Variants in AKAP6 observed in about 807,000 individuals in gnomAD.
AKAP6 encodes the protein A-kinase anchor protein 6.
Under a neutral mutation model 188.5 loss-of-function variants are expected in AKAP6, and 58 were observed. That is an observed-to-expected ratio of 0.31 (90% CI 0.25 to 0.38). The LOEUF (loss-of-function observed/expected upper bound fraction) is 0.38. Ranked by LOEUF, AKAP6 falls within the 10% of genes least tolerant of loss-of-function variation. AKAP6 has a pLI of 1.00. For synonymous variants in AKAP6, 989 were observed against 998.6 expected, an observed-to-expected ratio of 0.99 and a Z score of 0.18; for missense variants, 2,710 against 2,740.0, an observed-to-expected ratio of 0.99 and a Z score of 0.24.
At chr14:32,691,477 A>G (rs530879223) in intron 8 of AKAP6, among the ~76,000 whole-genome samples, 28 of 152,334 alleles carry the variant, frequency 1.8e-4, no homozygotes, top group African/African-American at 6.0e-4. Flanking sequence ...GAAGTTTCCT[A>G]TAATACTGGG....
intron 11 of AKAP6, among the ~76,000 whole-genome samples, chr14:32,769,763 ATC>A (rs1566698840): frequency 1.3e-5 from 2 of 151,308 alleles, no homozygotes; most frequent in East Asian, 1.9e-4. Context: ...TTTCCTTCTC[ATC>A]TCTCTTTTTT....
At chr14:32,655,456 G>A (rs542669450) in intron 7 of AKAP6, among the ~76,000 whole-genome samples, 3 of 152,136 alleles carry the variant, frequency 2.0e-5, no homozygotes, top group African/African-American at 7.2e-5. Flanking sequence ...GTCAGGCAGG[G>A]TCCTAAATAT....
At chr14:32,721,651 A>C (rs1049114519) in intron 9 of AKAP6, among the ~76,000 whole-genome samples, 2 of 152,102 alleles carry the variant, frequency 1.3e-5, no homozygotes, top group Admixed American at 6.5e-5. Flanking sequence ...TACAGCTTAC[A>C]TTTTATGTGG....
chr14:32,487,613 A>G (rs1032120066), intron 2 of AKAP6, among the ~76,000 whole-genome samples: 4 of 152,132 alleles, frequency 2.6e-5, no homozygotes, highest in African/African-American at 9.7e-5. Context: ...CCTTTGGAGG[A>G]GAGAGACATT....
At chr14:32,730,823 A>G (rs1044962804) in intron 9 of AKAP6, among the ~76,000 whole-genome samples, 2 of 152,164 alleles carry the variant, frequency 1.3e-5, no homozygotes, top group South Asian at 2.1e-4. Context: ...CTCTCCTCCA[A>G]TCATCGCTCT....
chr14:32,400,866 T>A (rs1272903675), intron 1 of AKAP6, among the ~76,000 whole-genome samples: 1 of 152,168 alleles, frequency 6.6e-6, no homozygotes, highest in Non-Finnish European at 1.5e-5. Context: ...TTTTCTCAAA[T>A]GCTGCTGGTG....
intron 4 of AKAP6, among the ~76,000 whole-genome samples, chr14:32,553,693 A>G (rs1883577864): frequency 6.6e-6 from 1 of 152,234 alleles, no homozygotes; most frequent in South Asian, 2.1e-4. Context: ...ATTTTAAGGC[A>G]ATATTTTTAA....
At chr14:32,385,576 C>G (rs557511905) in intron 1 of AKAP6, among the ~76,000 whole-genome samples, 1 of 151,492 alleles carries the variant, frequency 6.6e-6, no homozygotes, top group East Asian at 1.9e-4. Flanking sequence ...CCCTTTCCCC[C>G]GAGTCCCCAA....
intron 4 of AKAP6, among the ~76,000 whole-genome samples, chr14:32,549,053 T>A (rs1883336258): frequency 6.6e-6 from 1 of 152,202 alleles, no homozygotes; most frequent in African/African-American, 2.4e-5. Flanking sequence ...GAAAAAGTTA[T>A]CAAATATACA....
Position 32,599,352 on chromosome 14 carries a change from T to C in AKAP6, c.2470-58T>C. 4.2e-6 allele frequency: 6 copies of C among 1,415,606 alleles called. No homozygotes were observed. In the South Asian group the frequency reaches 7.4e-5, roughly 17 times the overall value. The allele number at this position is 1,415,606 out of a possible 1,614,324, so 87.7% of individuals were successfully genotyped here. A position where few individuals can be genotyped will look rare whatever the true frequency, so the allele number is the denominator to read the frequency against. On this transcript the variant is annotated intron_variant, in intron 5 of 13. Transcript: ENST00000280979. ...ATAAAAAGTAGCAAGTAATTTTATA[T>C]GGATGTTTTATGTGTAACTGCCTTG...
intron 7 of AKAP6, among the ~76,000 whole-genome samples, chr14:32,610,164 T>A (rs1278381206): frequency 6.6e-6 from 1 of 152,074 alleles, no homozygotes; most frequent in Non-Finnish European, 1.5e-5. Context: ...TTACTTTCCC[T>A]TTACTGACAA....
intron 7 of AKAP6, among the ~76,000 whole-genome samples, chr14:32,658,026 G>A (rs1310693748): frequency 6.6e-6 from 1 of 151,910 alleles, no homozygotes; most frequent in African/African-American, 2.4e-5. Flanking sequence ...CATAAAACAA[G>A]GCAACGTAGA....
chr14:32,821,593 T>C lies in AKAP6; in HGVS notation c.3780T>C (p.Gly1260=), dbSNP rs769447966. The C allele has an allele frequency of 6.2e-7, 1 of 1,613,704 alleles. No homozygotes were observed. The highest frequency in any genetic ancestry group is 1.1e-5 in the South Asian group (1 of 91,062). Residue 1260 remains glycine (G), a synonymous_variant, in exon 13 of 14, where the codon GGT becomes GGC. Coordinates refer to ENST00000280979, the MANE Select transcript of AKAP6 (RefSeq NM_004274.5). ...KLGETSNEDP[G]YDEEADNHGG... ...GAGAGACAAGTAATGAGGACCCTGG[T>C]TATGACGAGGAGGCTGATAACCATG...
At chr14:32,569,194 T>C (rs1157363439) in intron 4 of AKAP6, among the ~76,000 whole-genome samples, 4 of 152,214 alleles carry the variant, frequency 2.6e-5, no homozygotes. Context: ...TTTTGCTCTT[T>C]CTTTCCCACT....
At position 32,352,859 on chromosome 14, in the gene AKAP6, G is replaced by A. The variant is rs117248867; in HGVS notation, c.-35+23451G>A. Among the ~76,000 whole-genome samples, 625 of 152,282 alleles carry A rather than the reference G, an allele frequency of 4.1e-3. 3 individuals are homozygous for A. Among genetic ancestry groups the A allele is most frequent in the Non-Finnish European group, 7.0e-3 (474 of 68,024 alleles). ...TATTGTGAATAGTGACACAATAAACGTGGGAGTGCAGATGTCTCTTTGACA... is the reference window on the plus strand; with the variant it reads ...TATTGTGAATAGTGACACAATAAACATGGGAGTGCAGATGTCTCTTTGACA... On this transcript the variant is annotated intron_variant, in intron 1 of 13. Coordinates refer to ENST00000280979, the MANE Select transcript of AKAP6 (RefSeq NM_004274.5).
intron 8 of AKAP6, among the ~76,000 whole-genome samples, chr14:32,682,852 C>T (rs1050953770): frequency 2.0e-5 from 3 of 152,180 alleles, no homozygotes; most frequent in African/African-American, 7.2e-5. Context: ...GGACCACCAG[C>T]AGCAGTATCT....
intron 12 of AKAP6, among the ~76,000 whole-genome samples, chr14:32,788,706 C>A (rs1289923644): frequency 1.3e-5 from 2 of 152,120 alleles, no homozygotes; most frequent in Non-Finnish European, 2.9e-5. Flanking sequence ...GTCTTTGGGT[C>A]CGAGACACAG....
Position 32,492,355 on chromosome 14 carries a change from T to TATATATATATATAGAGAGAGAG in AKAP6, c.325-43198_325-43197insTATATATATATAGAGAGAGAGA. 9.2e-3 allele frequency among the ~76,000 whole-genome samples: 757 copies of TATATATATATATAGAGAGAGAG among 82,480 alleles called. 14 individuals are homozygous for TATATATATATATAGAGAGAGAG. Among genetic ancestry groups the TATATATATATATAGAGAGAGAG allele is most frequent in the Admixed American group, 0.018 (96 of 5,356 alleles). The allele number at this position is 82,480 out of a possible 152,430, so 54.1% of individuals were successfully genotyped here. On this transcript the variant is annotated intron_variant, in intron 2 of 13. Transcript: ENST00000280979. ...ACATTGTAATATATATATATATATATAGAGAGAGAGAGAGAGAGAGAGAGA... is the reference window on the plus strand; with the variant it reads ...ACATTGTAATATATATATATATATATATATATATATATAGAGAGAGAGAGAGAGAGAGAGAGAGAGAGAGAGA...
At chr14:32,727,080 G>A (rs1042634264) in intron 9 of AKAP6, among the ~76,000 whole-genome samples, 20 of 152,128 alleles carry the variant, frequency 1.3e-4, no homozygotes, top group Middle Eastern at 3.4e-3. Flanking sequence ...ATAGAGAACC[G>A]TTTTAAAAAG....
Sources: gnomAD v4.1 joint callset for allele counts (sites outside exome capture counted in the v4.1 genomes callset) on GRCh38, gnomAD v4.1.1 for gene constraint, MANE v1.5 for transcripts, NCBI Gene and HGNC (gene_info 2026-07-23, HGNC 2026-07-21) for gene names.